Variants in ZNF804A observed in about 807,000 individuals in gnomAD.
ZNF804A encodes the protein zinc finger protein 804A.
ZNF804A carries 2 observed loss-of-function variants against 16.5 expected under a neutral mutation model. The observed-to-expected ratio is 0.12, with a 90% CI of 0.05 to 0.38. The LOEUF (loss-of-function observed/expected upper bound fraction) is 0.38, where lower values mean the gene tolerates loss of function less well. Among genes scored for constraint, ZNF804A ranks in the 10% least tolerant of loss-of-function variants. The pLI is 0.99. For missense variants in ZNF804A, 1,473 were observed against 1,390.7 expected (o/e 1.06, Z -0.94); for synonymous variants, 534 against 489.6 (o/e 1.09, Z -1.20).
chr2:184,786,844 A>C (rs1456145121), intron 1 of ZNF804A, among the ~76,000 whole-genome samples: 1 of 152,042 alleles, frequency 6.6e-6, no homozygotes, highest in East Asian at 1.9e-4. Context: ...CTTTATTTTT[A>C]GAAATTTGAT....
intron 1 of ZNF804A, among the ~76,000 whole-genome samples, chr2:184,754,772 T>A (rs76046974): frequency 0.082 from 12,420 of 151,756 alleles, 610 homozygotes; most frequent in Middle Eastern, 0.13. Flanking sequence ...ATCTTTTTTT[T>A]AAAAAAAATT....
intron 2 of ZNF804A, among the ~76,000 whole-genome samples, chr2:184,876,881 C>T (rs1021720505): frequency 6.6e-6 from 1 of 151,856 alleles, no homozygotes; most frequent in Non-Finnish European, 1.5e-5. Context: ...AATTATTCCC[C>T]ACCAAAAGAA....
chr2:184,898,898 A>G (rs1685131797), intron 2 of ZNF804A, among the ~76,000 whole-genome samples: 1 of 151,978 alleles, frequency 6.6e-6, no homozygotes, highest in South Asian at 2.1e-4. Context: ...AAATGGTAAA[A>G]GTTGTAATTG....
chr2:184,785,038 A>C (rs1436423705), intron 1 of ZNF804A, among the ~76,000 whole-genome samples: 3 of 151,924 alleles, frequency 2.0e-5, no homozygotes, highest in African/African-American at 7.2e-5. Flanking sequence ...TACGTATGTA[A>C]AAGTTTGTTC....
intron 1 of ZNF804A, among the ~76,000 whole-genome samples, chr2:184,799,491 G>A (rs986551222): frequency 2.6e-5 from 4 of 151,906 alleles, no homozygotes; most frequent in Non-Finnish European, 5.9e-5. Context: ...TTAGAGTAAC[G>A]ATGGTTAAGA....
intron 1 of ZNF804A, among the ~76,000 whole-genome samples, chr2:184,736,168 G>A (rs1192945312): frequency 6.6e-6 from 1 of 151,956 alleles, no homozygotes; most frequent in Non-Finnish European, 1.5e-5. Flanking sequence ...GTTCTTTATT[G>A]ATTGCTTACA....
chr2:184,725,851 C>A (rs1259746904), intron 1 of ZNF804A, among the ~76,000 whole-genome samples: 2 of 151,566 alleles, frequency 1.3e-5, no homozygotes, highest in East Asian at 3.9e-4. Flanking sequence ...TGTTTTAGAT[C>A]TCTGTAATTT....
chr2:184,642,773 A>T (rs556371736), intron 1 of ZNF804A, among the ~76,000 whole-genome samples: 34 of 152,274 alleles, frequency 2.2e-4, no homozygotes, highest in African/African-American at 7.9e-4. Context: ...AGGATGGAAG[A>T]AGTCTAAAGA....
chr2:184,861,274 A>G (rs1372298550), intron 1 of ZNF804A, among the ~76,000 whole-genome samples: 1 of 152,166 alleles, frequency 6.6e-6, no homozygotes, highest in African/African-American at 2.4e-5. Flanking sequence ...GACATAGGTA[A>G]TGTAATACTA....
chr2:184,860,814 T>A (rs1695788375), intron 1 of ZNF804A, among the ~76,000 whole-genome samples: 1 of 152,046 alleles, frequency 6.6e-6, no homozygotes, highest in Admixed American at 6.6e-5. Context: ...GCTGCAGGAG[T>A]AGACTTTTAG....
intron 1 of ZNF804A, among the ~76,000 whole-genome samples, chr2:184,752,900 C>T (rs1361291330): frequency 6.6e-6 from 1 of 151,390 alleles, no homozygotes; most frequent in East Asian, 1.9e-4. Context: ...AAATGCAAAA[C>T]AAAACCACAA....
intron 1 of ZNF804A, among the ~76,000 whole-genome samples, chr2:184,608,671 C>G (rs1258870535): frequency 6.6e-6 from 1 of 152,092 alleles, no homozygotes; most frequent in East Asian, 1.9e-4. Context: ...AAGCTCCTAC[C>G]CATCAGTTAT....
chr2:184,893,413 G>A (rs564592701), intron 2 of ZNF804A, among the ~76,000 whole-genome samples: 1 of 151,984 alleles, frequency 6.6e-6, no homozygotes, highest in South Asian at 2.1e-4. Flanking sequence ...GAGTTTATAT[G>A]CTTGTAAGAT....
At chr2:184,666,183 T>C (rs1692251102) in intron 1 of ZNF804A, among the ~76,000 whole-genome samples, 1 of 152,144 alleles carries the variant, frequency 6.6e-6, no homozygotes, top group African/African-American at 2.4e-5. Flanking sequence ...AGCAAATACA[T>C]GTAGAGCAAT....
rs555167836 is a variant in ZNF804A, at chr2:184,830,520, T to C, written c.112-35849T>C. 3.3e-5 allele frequency among the ~76,000 whole-genome samples: 5 copies of C among 152,254 alleles called. No homozygotes were observed. In the East Asian group the frequency reaches 5.8e-4, roughly 18 times the overall value. Reference sequence around the variant, plus strand: ...ACTTTTTTACCTGAAGATTCTATCATTTGAGACAGGCATTTTTGAGAGGTG... The same window carrying C: ...ACTTTTTTACCTGAAGATTCTATCACTTGAGACAGGCATTTTTGAGAGGTG... On this transcript the variant is annotated intron_variant, in intron 1 of 3. Coordinates refer to ENST00000302277, the MANE Select transcript of ZNF804A (RefSeq NM_194250.2).
chr2:184,769,302 A>G (rs1417058654), intron 1 of ZNF804A, among the ~76,000 whole-genome samples: 1 of 152,116 alleles, frequency 6.6e-6, no homozygotes, highest in Non-Finnish European at 1.5e-5. Flanking sequence ...CCGAGAACCT[A>G]CATCCTGTAT....
intron 1 of ZNF804A, among the ~76,000 whole-genome samples, chr2:184,726,654 G>A (rs929827104): frequency 2.0e-5 from 3 of 151,530 alleles, no homozygotes; most frequent in Non-Finnish European, 4.4e-5. Context: ...AAACTAGCCA[G>A]TAATTGTTCT....
In ZNF804A at chr2:184,938,907, A is replaced by G; in HGVS notation, c.3511A>G (p.Ile1171Val). The change falls in exon 4 of 4, where the codon ATC becomes GTC. Residue 1171 changes from isoleucine (I) to valine (V), a missense_variant. Ile to Val is a conservative substitution (Grantham distance 29). Transcript: ENST00000302277. Reference protein sequence around the residue: ...PTFVAPPQMPIIPASVLHPSH... With the variant: ...PTFVAPPQMPVIPASVLHPSH... ...TTTTGTTGCTCCTCCTCAGATGCCA[A>G]TCATTCCAGCTTCCGTTCTTCATCC... is the stretch of plus-strand genomic sequence containing the variant. 1.2e-6 allele frequency: 2 copies of G among 1,613,928 alleles called. No homozygotes were observed. Among genetic ancestry groups the G allele is most frequent in the Non-Finnish European group, 1.7e-6 (2 of 1,179,956 alleles).
At position 184,937,671 on chromosome 2, in the gene ZNF804A, A is replaced by G. The variant is rs116133259; in HGVS notation, c.2275A>G (p.Asn759Asp). The change falls in exon 4 of 4, where the codon AAT (asparagine) becomes GAT (aspartate). Residue 759 changes from asparagine (N) to aspartate (D), a missense_variant. Coordinates refer to ENST00000302277, the MANE Select transcript of ZNF804A (RefSeq NM_194250.2). Reference protein sequence around the residue: ...SQNQAVKRGYNSVMNESERFY... With the variant: ...SQNQAVKRGYDSVMNESERFY... ...GAATCAGGCTGTTAAAAGAGGTTAC[A>G]ATTCTGTCATGAATGAATCAGAAAG... 3.9e-4 allele frequency: 629 copies of G among 1,614,092 alleles called. 2 individuals carry two copies. The African/African-American group carries it at 7.7e-3, about 20-fold the overall frequency.
Sources: allele counts gnomAD v4.1 joint callset (sites outside exome capture counted in the v4.1 genomes callset), GRCh38; gene constraint gnomAD v4.1.1; transcripts MANE v1.5; gene names NCBI Gene and HGNC (gene_info 2026-07-23, HGNC 2026-07-21).